Variants in ARHGEF9 observed in about 807,000 individuals in gnomAD.
ARHGEF9 encodes the protein rho guanine nucleotide exchange factor 9.
ARHGEF9 carries 2 observed loss-of-function variants against 41.3 expected under a neutral mutation model. The ratio of observed to expected loss-of-function variants is 0.05; its 90% CI spans 0.02 to 0.15. The LOEUF (loss-of-function observed/expected upper bound fraction) is 0.15. Among genes scored for constraint, ARHGEF9 ranks in the 10% least tolerant of loss-of-function variants. The probability of loss-of-function intolerance (pLI) is 1.00; values close to 1 mark genes in which losing one functional copy is unlikely to be tolerated. For missense variants in ARHGEF9, 225 were observed against 424.7 expected, an observed-to-expected ratio of 0.53 and a Z score of 4.13; for synonymous variants, 160 against 154.4, an observed-to-expected ratio of 1.04 and a Z score of -0.27.
Position 63,648,427 on chromosome X carries a change from C to G in ARHGEF9, c.1322-4379G>C, listed in dbSNP as rs1556319667. ...AGAGATTTTGTCACCAGCAGGCCTG[C>G]CCTAAAAGAGCTCCTGAAGGAAGCA... On this transcript the variant is annotated intron_variant, in intron 8 of 9. Transcript: ENST00000671741. Among the ~76,000 whole-genome samples the G allele has an allele frequency of 4.5e-5, 5 of 111,294 alleles. No individual in the cohort carries two copies. The South Asian group carries it at 1.1e-3, about 25-fold the overall frequency.
intron 1 of ARHGEF9, among the ~76,000 whole-genome samples, chrX:63,752,721 A>G (rs1556442410): frequency 8.9e-6 from 1 of 111,816 alleles, no homozygotes; most frequent in African/African-American, 3.3e-5. Context: ...ACACCCTCTG[A>G]CGCCATTAAA....
intron 7 of ARHGEF9, 79 bp downstream of exon 7, chrX:63,665,807 A>C: frequency 8.7e-7 from 1 of 1,144,584 alleles, no homozygotes; most frequent in Non-Finnish European, 1.2e-6. Context: ...CTTTGTTGGG[A>C]GCCTGGGGAT....
chrX:63,781,347 C>G (rs1454295636), intron 1 of ARHGEF9, among the ~76,000 whole-genome samples: 2 of 111,588 alleles, frequency 1.8e-5, no homozygotes, highest in Non-Finnish European at 1.9e-5. Context: ...TAATCTTCTT[C>G]TCCAGAATTC....
intron 1 of ARHGEF9, among the ~76,000 whole-genome samples, chrX:63,750,823 T>C (rs1467394658): frequency 1.4e-4 from 16 of 111,693 alleles, no homozygotes; most frequent in Non-Finnish European, 3.0e-4. Context: ...ATCTCATAGC[T>C]GGACGAGGCT....
At chrX:63,665,022 G>A (rs781869619) in intron 7 of ARHGEF9, among the ~76,000 whole-genome samples, 30 of 112,233 alleles carry the variant, frequency 2.7e-4, no homozygotes, top group Admixed American at 2.5e-3. Flanking sequence ...TGGCAAAAGA[G>A]CAAAGGGTAG....
intron 5 of ARHGEF9, among the ~76,000 whole-genome samples, chrX:63,677,019 C>T (rs1458849011): frequency 8.9e-6 from 1 of 111,883 alleles, no homozygotes; most frequent in Admixed American, 9.4e-5. Context: ...CTGTCAGTGT[C>T]CCATACTGCC....
At chrX:63,695,290 T>A (rs1254374051) in intron 4 of ARHGEF9, among the ~76,000 whole-genome samples, 2 of 112,014 alleles carry the variant, frequency 1.8e-5, no homozygotes, top group African/African-American at 6.5e-5. Flanking sequence ...ATGTTTCTGA[T>A]ATATGTTGCT....
chrX:63,687,941 A>C (rs782702176), intron 4 of ARHGEF9, among the ~76,000 whole-genome samples: 25 of 111,361 alleles, frequency 2.2e-4, no homozygotes, highest in Non-Finnish European at 4.3e-4. Context: ...TAGAAAGCTT[A>C]TTCAAAGTAA....
At chrX:63,735,030 G>C (rs2054528031) in intron 1 of ARHGEF9, among the ~76,000 whole-genome samples, 1 of 111,002 alleles carries the variant, frequency 9.0e-6, no homozygotes, top group Non-Finnish European at 1.9e-5. Context: ...TACCCAAAAT[G>C]TCCCTGCCCT....
intron 9 of ARHGEF9, among the ~76,000 whole-genome samples, chrX:63,643,297 T>A (rs1186804123): frequency 8.9e-6 from 1 of 111,818 alleles, no homozygotes; most frequent in Non-Finnish European, 1.9e-5. Context: ...TATTGTGATT[T>A]GGGTCTCCTG....
intron 1 of ARHGEF9, among the ~76,000 whole-genome samples, chrX:63,781,200 A>T (rs2056373980): frequency 8.9e-6 from 1 of 112,169 alleles, no homozygotes; most frequent in Admixed American, 9.5e-5. Flanking sequence ...TAAAAGAATA[A>T]ATCAAGAAAA....
At position 63,750,129 on chromosome X, in the gene ARHGEF9, G is replaced by A. The variant is rs3788826; in HGVS notation, c.31-25418C>T. 3.3e-3 allele frequency among the ~76,000 whole-genome samples: 371 copies of A among 112,178 alleles called. 6 individuals are homozygous for A. In the East Asian group the frequency reaches 0.065, roughly 20 times the overall value. ...TCTTCTGAGGAGGCAGTTATTTTGGGAGAAAAGGCTCAATTCTTATATCCC... is the reference window on the plus strand; with the variant it reads ...TCTTCTGAGGAGGCAGTTATTTTGGAAGAAAAGGCTCAATTCTTATATCCC... On this transcript the variant is annotated intron_variant, in intron 1 of 9. Coordinates refer to ENST00000671741, the MANE Select transcript of ARHGEF9 (RefSeq NM_001353921.2).
chrX:63,665,880 G>T lies in ARHGEF9; in HGVS notation c.1077+6C>A, dbSNP rs537509591. On this transcript the variant is annotated splice_donor_region_variant and intron_variant, in intron 7 of 9. Coordinates refer to ENST00000671741, the MANE Select transcript of ARHGEF9 (RefSeq NM_001353921.2). ...TCTCCCTCAGGGAAGAAGGGGGCAG[G>T]GTTACCTTCTTGCAGAGGACCATCT... 8.3e-7 allele frequency: 1 copy of T among 1,210,311 alleles called. No individual in the cohort carries two copies. Among genetic ancestry groups the T allele is most frequent in the South Asian group, 1.8e-5 (1 of 56,648 alleles).
At chrX:63,704,673 T>C (rs187973774) in intron 3 of ARHGEF9, among the ~76,000 whole-genome samples, 230 of 112,717 alleles carry the variant, frequency 2.0e-3, no homozygotes, top group African/African-American at 7.3e-3. Context: ...ATTTACTTAA[T>C]TTCCTCAACA....
chrX:63,751,765 G>A (rs1451482902), intron 1 of ARHGEF9, among the ~76,000 whole-genome samples: 1 of 111,110 alleles, frequency 9.0e-6, no homozygotes, highest in Non-Finnish European at 1.9e-5. Flanking sequence ...AGGCTATTCA[G>A]AACTGTGGAA....
At chrX:63,704,955 C>T (rs1180224029) in intron 3 of ARHGEF9, among the ~76,000 whole-genome samples, 2 of 112,313 alleles carry the variant, frequency 1.8e-5, no homozygotes, top group African/African-American at 6.5e-5. Context: ...GCACAAAATC[C>T]TTGGCCTTGG....
At chrX:63,767,415 A>G (rs781875608) in intron 1 of ARHGEF9, 1 of 390,412 alleles carries the variant, frequency 2.6e-6, no homozygotes, top group Admixed American at 3.2e-5. Context: ...CTGCTTTTAA[A>G]AAATTTTTGT....
intron 4 of ARHGEF9, among the ~76,000 whole-genome samples, chrX:63,696,682 G>T (rs1418387608): frequency 9.0e-6 from 1 of 111,483 alleles, no homozygotes; most frequent in Non-Finnish European, 1.9e-5. Context: ...TGAGTCTCAT[G>T]GAAACTTAAC....
chrX:63,761,977 C>G (rs2056041300), intron 1 of ARHGEF9, among the ~76,000 whole-genome samples: 1 of 111,702 alleles, frequency 9.0e-6, no homozygotes, highest in African/African-American at 3.2e-5. Context: ...AGAGGAAGTA[C>G]AATGGTTTTC....
Sources: allele counts gnomAD v4.1 joint callset (sites outside exome capture counted in the v4.1 genomes callset), GRCh38; gene constraint gnomAD v4.1.1; transcripts MANE v1.5; gene names NCBI Gene and HGNC (gene_info 2026-07-23, HGNC 2026-07-21).